RLF: variants seen among roughly 807,000 people sequenced by gnomAD.
The protein encoded by RLF is RLF zinc finger, also known as zinc finger protein Rlf.
A neutral mutation model predicts 162.9 loss-of-function variants in RLF; 7 were observed. The ratio of observed to expected loss-of-function variants is 0.04; its 90% CI spans 0.02 to 0.08. The LOEUF is 0.08. Ranked by LOEUF, RLF falls within the 10% of genes least tolerant of loss-of-function variation. The pLI is 1.00. For missense variants in RLF, 1,664 were observed against 2,244.7 expected (o/e 0.74, Z 5.23); for synonymous variants, 782 against 791.5 (o/e 0.99, Z 0.20).
rs1000163052 is a variant in RLF at position 40,200,955 on chromosome 1, A to G, written c.608-1457A>G. ...ACACACACACTGGTTTATCCTTAGTATAAACCATTGCTACTCTACACACAC... is the reference window on the plus strand; with the variant it reads ...ACACACACACTGGTTTATCCTTAGTGTAAACCATTGCTACTCTACACACAC... On this transcript the variant is annotated intron_variant, in intron 4 of 7. Transcript: ENST00000372771. Among the ~76,000 whole-genome samples the G allele has an allele frequency of 2.1e-4, 26 of 122,172 alleles. 2 individuals carry two copies. In the South Asian group the frequency reaches 2.3e-3, roughly 11 times the overall value. The allele number at this position is 122,172 out of a possible 152,430, so 80.1% of individuals were successfully genotyped here.
intron 5 of RLF, among the ~76,000 whole-genome samples, chr1:40,204,096 G>A (rs1323848177): frequency 3.4e-5 from 5 of 147,500 alleles, no homozygotes; most frequent in East Asian, 4.0e-4. Flanking sequence ...GTAGTGGCGC[G>A]ATCTTTGCTC....
rs1359378942 is a variant in RLF at position 40,240,123 on chromosome 1, T to C, written c.5421T>C (p.Asp1807=). Residue 1807 remains aspartate, a synonymous_variant, in exon 8 of 8, where the codon GAT becomes GAC. Coordinates refer to ENST00000372771, the MANE Select transcript of RLF (RefSeq NM_012421.4). The part of the protein sequence containing the change: ...TLSNSSQSSN[D]LTGNVVANNM... ...GTAATTCTTCACAGTCCAGTAATGATTTAACAGGGAATGTTGTGGCAAATA... is the reference window on the plus strand; with the variant it reads ...GTAATTCTTCACAGTCCAGTAATGACTTAACAGGGAATGTTGTGGCAAATA... 1.2e-6 allele frequency: 2 copies of C among 1,614,056 alleles called. No homozygotes were observed. The highest frequency in any genetic ancestry group is 1.7e-6 in the Non-Finnish European group (2 of 1,180,038).
At chr1:40,233,608 A>G (rs972435465) in intron 7 of RLF, among the ~76,000 whole-genome samples, 4 of 152,240 alleles carry the variant, frequency 2.6e-5, no homozygotes, top group Admixed American at 6.5e-5. Flanking sequence ...TACTTGGACT[A>G]CATTCCAAAT....
intron 5 of RLF, among the ~76,000 whole-genome samples, chr1:40,205,265 G>C (rs1642774846): frequency 1.3e-5 from 2 of 152,076 alleles, no homozygotes; most frequent in Non-Finnish European, 2.9e-5. Flanking sequence ...GAGCCCAGGA[G>C]GCAGAGGCTG....
chr1:40,225,051 C>G (rs1407522188), intron 6 of RLF, among the ~76,000 whole-genome samples: 1 of 151,864 alleles, frequency 6.6e-6, no homozygotes, highest in African/African-American at 2.4e-5. Context: ...TGAGATAGAT[C>G]TTTTGTTATG....
intron 4 of RLF, among the ~76,000 whole-genome samples, chr1:40,198,734 A>G (rs1162879549): frequency 1.3e-5 from 2 of 152,214 alleles, no homozygotes; most frequent in East Asian, 3.8e-4. Flanking sequence ...AAATGCGGCA[A>G]ACCAGTTCAA....
chr1:40,218,548 C>T (rs552219021), intron 5 of RLF, among the ~76,000 whole-genome samples: 15 of 152,348 alleles, frequency 9.8e-5, no homozygotes, highest in African/African-American at 1.4e-4. Context: ...TCCCTCCTCA[C>T]ATGCCACAAT....
At chr1:40,225,215 C>T (rs1643053016) in intron 6 of RLF, among the ~76,000 whole-genome samples, 1 of 152,092 alleles carries the variant, frequency 6.6e-6, no homozygotes, top group Non-Finnish European at 1.5e-5. Flanking sequence ...AACACATACG[C>T]TAGAATTTAT....
At chr1:40,205,650 C>T (rs554017168) in intron 5 of RLF, among the ~76,000 whole-genome samples, 139 of 151,978 alleles carry the variant, frequency 9.1e-4, no homozygotes, top group African/African-American at 3.1e-3. Flanking sequence ...CCACCATGCC[C>T]GGCTAATTTT....
At chr1:40,195,587 T>A (rs762972915) in intron 3 of RLF, 45 bp from the exon 4 acceptor site, 1 of 1,546,840 alleles carries the variant, frequency 6.5e-7, no homozygotes, top group Non-Finnish European at 8.8e-7. Flanking sequence ...AAAACTAATT[T>A]TTATATTGTT....
chr1:40,168,331 C>T (rs988132274), intron 1 of RLF, among the ~76,000 whole-genome samples: 6 of 152,278 alleles, frequency 3.9e-5, no homozygotes, highest in Middle Eastern at 3.4e-3. Context: ...CTGCAACTTC[C>T]GCCTCCTGGG....
chr1:40,234,173 C>T (rs1643188365), intron 7 of RLF, among the ~76,000 whole-genome samples: 1 of 152,158 alleles, frequency 6.6e-6, no homozygotes, highest in African/African-American at 2.4e-5. Flanking sequence ...TGGTCTTAAA[C>T]TCCATGCCTC....
chr1:40,189,920 A>G (rs997663393), intron 2 of RLF, among the ~76,000 whole-genome samples: 3 of 152,262 alleles, frequency 2.0e-5, no homozygotes, highest in African/African-American at 7.2e-5. Flanking sequence ...ACAACAGCCA[A>G]TCAGTTTTAG....
At position 40,238,882 on chromosome 1, in the gene RLF, G is replaced by A. The variant is rs1570569622; in HGVS notation, c.4180G>A (p.Glu1394Lys). 1.9e-6 allele frequency: 3 copies of A among 1,614,178 alleles called. No individual in the cohort carries two copies. The highest frequency in any genetic ancestry group is 2.5e-6 in the Non-Finnish European group (3 of 1,180,018). The change falls in exon 8 of 8, where the codon GAG (glutamate) becomes AAG (lysine). Residue 1394 changes from glutamate (E) to lysine (K), a missense_variant. Glu to Lys is a moderately conservative substitution (Grantham distance 56). Around this residue, in one of 15 missense-constraint regions of RLF, gnomAD observed 200 missense variants for 207.3 expected, o/e 0.96. Transcript: ENST00000372771. The surrounding 1 kb of genome is among the most constrained non-coding windows in gnomAD (Gnocchi z 5.2). ...SDSHNLDHIE[E>K]PKVLSEAGSA... ...TTCTCATAACCTAGACCATATTGAA[G>A]AGCCTAAAGTACTTTCCGAAGCTGG...
At chr1:40,199,877 A>G (rs1642688320) in intron 4 of RLF, among the ~76,000 whole-genome samples, 2 of 152,234 alleles carry the variant, frequency 1.3e-5, no homozygotes, top group African/African-American at 4.8e-5. Context: ...ATAATAACTA[A>G]GTTGATTTCC....
At chr1:40,172,907 C>T (rs1014446359) in intron 1 of RLF, among the ~76,000 whole-genome samples, 1 of 152,120 alleles carries the variant, frequency 6.6e-6, no homozygotes, top group African/African-American at 2.4e-5. Context: ...TTGATGGATA[C>T]TTGCCTACAA....
rs774721944 is a variant in RLF at position 40,237,599 on chromosome 1, A to G, written c.2897A>G (p.Lys966Arg). 6.2e-7 allele frequency: 1 copy of G among 1,614,186 alleles called. No individual in the cohort carries two copies. Among genetic ancestry groups the G allele is most frequent in the South Asian group, 1.1e-5 (1 of 91,078 alleles). ...TTTGATGGCTGTGGTTCCACATACAAAAATGCAAGAGGAATGCAGAAACAT... is the reference window on the plus strand; with the variant it reads ...TTTGATGGCTGTGGTTCCACATACAGAAATGCAAGAGGAATGCAGAAACAT... ...CGFDGCGSTYKNARGMQKHLR... is the reference protein window; with the variant it reads ...CGFDGCGSTYRNARGMQKHLR... The change falls in exon 8 of 8, where the codon AAA (lysine) becomes AGA (arginine). Residue 966 changes from lysine to arginine, a missense_variant. Transcript: ENST00000372771. This position sits in a 1 kb window ranked among gnomAD's most constrained non-coding sequence, Gnocchi z 4.4.
chr1:40,238,975 A>G lies in RLF; in HGVS notation c.4273A>G (p.Lys1425Glu). The part of the protein sequence containing the change: ...PAVFYTFNKL[K>E]HHLMEQHNIE... ...TGTTTTTTATACATTCAACAAGTTG[A>G]AGCACCACTTGATGGAACAGCATAA... is the stretch of plus-strand genomic sequence containing the variant. The change falls in exon 8 of 8, where the codon AAG becomes GAG. Residue 1425 changes from lysine to glutamate, a missense_variant. Around this residue, in one of 15 missense-constraint regions of RLF, gnomAD observed 200 missense variants for 207.3 expected, o/e 0.96. Coordinates refer to ENST00000372771, the MANE Select transcript of RLF (RefSeq NM_012421.4). The surrounding 1 kb of genome is among the most constrained non-coding windows in gnomAD (Gnocchi z 5.2). The G allele has an allele frequency of 6.2e-7, 1 of 1,614,186 alleles. No individual in the cohort carries two copies. The highest frequency in any genetic ancestry group is 8.5e-7 in the Non-Finnish European group (1 of 1,180,018).
chr1:40,215,198 A>G (rs897092789), intron 5 of RLF, among the ~76,000 whole-genome samples: 3 of 152,190 alleles, frequency 2.0e-5, no homozygotes, highest in Admixed American at 6.5e-5. Context: ...TGAGAGTTGG[A>G]GACTTTAACA....
Sources: allele counts gnomAD v4.1 joint callset (sites outside exome capture counted in the v4.1 genomes callset), GRCh38; gene constraint gnomAD v4.1.1; regional missense constraint gnomAD v4.1.1; non-coding constraint Gnocchi (gnomAD v3.1); transcripts MANE v1.5; gene names NCBI Gene and HGNC (gene_info 2026-07-23, HGNC 2026-07-21).